IL12RB2: variants seen among roughly 807,000 people sequenced by gnomAD.
IL12RB2 encodes the protein interleukin-12 receptor subunit beta-2.
IL12RB2 carries 82 observed loss-of-function variants against 89.4 expected under a neutral mutation model. The ratio of observed to expected loss-of-function variants is 0.92; its 90% CI spans 0.77 to 1.10. The LOEUF (loss-of-function observed/expected upper bound fraction) is 1.10, where lower values mean the gene tolerates loss of function less well. Ranked by LOEUF, IL12RB2 falls within the 50% of genes least tolerant of loss-of-function variation. The pLI, the probability that IL12RB2 is intolerant of heterozygous loss-of-function variation, is 0.00. For synonymous variants in IL12RB2, 368 were observed against 370.1 expected (o/e 0.99, Z 0.07); for missense variants, 963 against 1,031.9 (o/e 0.93, Z 0.92).
chr1:67,388,956 A>T (rs1457508056), intron 15 of IL12RB2, among the ~76,000 whole-genome samples: 1 of 152,166 alleles, frequency 6.6e-6, no homozygotes, highest in African/African-American at 2.4e-5. Context: ...TAGACTTTGA[A>T]AAAGTTTAAT....
chr1:67,393,342 G>C (rs1387792223), intron 16 of IL12RB2, among the ~76,000 whole-genome samples: 9 of 152,216 alleles, frequency 5.9e-5, no homozygotes, highest in Admixed American at 5.9e-4. Context: ...ACTGATAGTG[G>C]TTTAAGAGGC....
At chr1:67,341,588 G>GAAAGAA (rs1558318474) in intron 9 of IL12RB2, among the ~76,000 whole-genome samples, 176 of 140,270 alleles carry the variant, frequency 1.3e-3, no homozygotes, top group Middle Eastern at 3.7e-3. Context: ...AGAAAGAAAA[G>GAAAGAA]AAAGGAAGGA....
intron 4 of IL12RB2, among the ~76,000 whole-genome samples, chr1:67,324,196 C>T (rs1013216219): frequency 1.3e-4 from 20 of 152,164 alleles, no homozygotes; most frequent in South Asian, 4.2e-4. Flanking sequence ...TACATGGGTA[C>T]GTATATATAC....
At chr1:67,393,244 T>G (rs1666017122) in intron 16 of IL12RB2, among the ~76,000 whole-genome samples, 1 of 152,140 alleles carries the variant, frequency 6.6e-6, no homozygotes, top group South Asian at 2.1e-4. Context: ...GCCCTAAAGC[T>G]CTGAAGGAAA....
At chr1:67,394,695 T>C (rs1666180059) in intron 16 of IL12RB2, among the ~76,000 whole-genome samples, 1 of 152,198 alleles carries the variant, frequency 6.6e-6, no homozygotes, top group African/African-American at 2.4e-5. Flanking sequence ...CCCTGTGTGA[T>C]GTGACCGCCT....
intron 1 of IL12RB2, among the ~76,000 whole-genome samples, chr1:67,313,039 TG>T (rs1177111200): frequency 6.6e-6 from 1 of 152,272 alleles, no homozygotes; most frequent in Non-Finnish European, 1.5e-5. Context: ...TGATGGGGCC[TG>T]ATAGACGGGC....
Position 67,360,612 on chromosome 1 carries a change from AT to A in IL12RB2, c.1259-7212del, listed in dbSNP as rs1165675174. 7.2e-5 allele frequency among the ~76,000 whole-genome samples: 11 copies of A among 152,172 alleles called. No homozygotes were observed. The East Asian group carries it at 2.1e-3, about 30-fold the overall frequency. On this transcript the variant is annotated intron_variant, in intron 10 of 16. Transcript: ENST00000674203. ...GGAGTTTGAGACCAGCCTGGCCAAC[AT>A]GGCAAAACCCTGTCTCTACTAAAAA...
chr1:67,388,861 C>G (rs1398115990), intron 15 of IL12RB2, among the ~76,000 whole-genome samples: 2 of 152,114 alleles, frequency 1.3e-5, no homozygotes, highest in Non-Finnish European at 2.9e-5. Flanking sequence ...AGTCATTCTA[C>G]CAGCCATTGA....
chr1:67,391,114 G>A (rs1207457356), intron 16 of IL12RB2, among the ~76,000 whole-genome samples: 1 of 152,116 alleles, frequency 6.6e-6, no homozygotes, highest in African/African-American at 2.4e-5. Flanking sequence ...CTTACTATGT[G>A]TGTGACTCTT....
intron 1 of IL12RB2, among the ~76,000 whole-genome samples, chr1:67,310,605 C>CT (rs1654921410): frequency 6.6e-6 from 1 of 152,162 alleles, no homozygotes; most frequent in South Asian, 2.1e-4. Context: ...GTAATACTGC[C>CT]TTTTTTCTTA....
rs61779824 is a variant in IL12RB2, at chr1:67,380,319, A to G, written c.1855+196A>G. The stretch of plus-strand genomic sequence containing the variant: ...ATCTTCCTGGAGACAATGTCTACTC[A>G]TGTTTCAAAATTTATCGGAAATCCT... On this transcript the variant is annotated intron_variant, in intron 14 of 16. Coordinates refer to ENST00000674203, the MANE Select transcript of IL12RB2 (RefSeq NM_001374259.2). Among the ~76,000 whole-genome samples the G allele has an allele frequency of 3.1e-3, 478 of 152,302 alleles. 1 individual carries two copies. Among genetic ancestry groups the G allele is most frequent in the Non-Finnish European group, 5.2e-3 (351 of 68,024 alleles).
chr1:67,322,766 G>A (rs192349193), intron 4 of IL12RB2, among the ~76,000 whole-genome samples: 14 of 152,336 alleles, frequency 9.2e-5, no homozygotes, highest in African/African-American at 2.9e-4. Flanking sequence ...GTCCCTTCAG[G>A]CAGCTGCTGG....
At chr1:67,338,841 T>C (rs1659185556) in intron 9 of IL12RB2, 138 bp downstream of exon 9, 1 of 694,930 alleles carries the variant, frequency 1.4e-6, no homozygotes, top group African/African-American at 1.8e-5. Flanking sequence ...CACACCACAG[T>C]GTCATGTGCC....
In IL12RB2 at chr1:67,349,635, G is replaced by C. The variant is rs535688301; in HGVS notation, c.1039-1235G>C. Among the ~76,000 whole-genome samples the C allele has an allele frequency of 2.2e-4, 34 of 152,248 alleles. 2 individuals carry two copies. The South Asian group carries it at 6.9e-3, about 31-fold the overall frequency. ...GACATCCACCTCGTGCACTGACTAT[G>C]GTTTAAGATCTAGTTTTGGGCCTTT... On this transcript the variant is annotated intron_variant, in intron 9 of 16. Coordinates refer to ENST00000674203, the MANE Select transcript of IL12RB2 (RefSeq NM_001374259.2).
At chr1:67,322,036 T>A in intron 4 of IL12RB2, 147 bp downstream of exon 4, 1 of 731,734 alleles carries the variant, frequency 1.4e-6, no homozygotes, top group Non-Finnish European at 2.4e-6. Flanking sequence ...GATACCGACC[T>A]GAGAGCTTCA....
chr1:67,321,488 T>C (rs375131884), intron 3 of IL12RB2, 114 bp from the exon 4 acceptor site: 33 of 756,412 alleles, frequency 4.4e-5, no homozygotes, highest in East Asian at 3.9e-4. Context: ...GTTAATTATA[T>C]TTGCATGATC....
intron 13 of IL12RB2, among the ~76,000 whole-genome samples, chr1:67,373,761 G>A (rs1404471010): frequency 6.6e-6 from 1 of 152,090 alleles, no homozygotes; most frequent in Non-Finnish European, 1.5e-5. Context: ...AGGAACATTT[G>A]TCATAAAGAA....
intron 2 of IL12RB2, among the ~76,000 whole-genome samples, chr1:67,318,783 A>G (rs1169982514): frequency 6.6e-6 from 1 of 152,038 alleles, no homozygotes; most frequent in Non-Finnish European, 1.5e-5. Context: ...ATGAGACTGG[A>G]GCTCAGGGGG....
At chr1:67,354,210 T>C (rs992948039) in intron 10 of IL12RB2, among the ~76,000 whole-genome samples, 15 of 152,190 alleles carry the variant, frequency 9.9e-5, no homozygotes, top group African/African-American at 3.4e-4. Flanking sequence ...GCTGGTGGCA[T>C]GCGTACCAAG....
Sources: gnomAD v4.1 joint callset for allele counts (sites outside exome capture counted in the v4.1 genomes callset) on GRCh38, gnomAD v4.1.1 for gene constraint, MANE v1.5 for transcripts, NCBI Gene and HGNC (gene_info 2026-07-23, HGNC 2026-07-21) for gene names.